Variants in SYT13 observed in about 807,000 individuals in gnomAD.
SYT13 encodes synaptotagmin 13, also known as synaptotagmin-13.
A neutral mutation model predicts 38.6 loss-of-function variants in SYT13; 21 were observed. The observed-to-expected ratio is 0.54, with a 90% confidence interval of 0.39 to 0.78. The LOEUF (loss-of-function observed/expected upper bound fraction) is 0.78, where lower values mean the gene tolerates loss of function less well. Among genes scored for constraint, SYT13 ranks in the 30% least tolerant of loss-of-function variants. The pLI, the probability that SYT13 is intolerant of heterozygous loss-of-function variation, is 0.00. For missense variants in SYT13, 495 were observed against 548.7 expected, an observed-to-expected ratio of 0.90 and a Z score of 0.98; for synonymous variants, 241 against 237.6, an observed-to-expected ratio of 1.01 and a Z score of -0.13.
In SYT13 at chr11:45,286,200, A is replaced by G. The variant is rs1158024346; in HGVS notation, c.8T>C (p.Leu3Pro). 1 of 1,560,506 alleles carries G rather than the reference A, an allele frequency of 6.4e-7. No individual in the cohort carries two copies. Among genetic ancestry groups the G allele is most frequent in the South Asian group, 1.2e-5 (1 of 85,444 alleles). Residue 3 changes from leucine to proline, a missense_variant, in exon 1 of 6, where the codon CTG becomes CCG. Transcript: ENST00000020926. ...GCCCAGCGCGATCACAGGCACCGACAGCACCATGGTGCCCGCTCCCGGCGA... is the reference window on the plus strand; with the variant it reads ...GCCCAGCGCGATCACAGGCACCGACGGCACCATGGTGCCCGCTCCCGGCGA... MV[L>P]SVPVIALGAT... is the part of the protein sequence containing the mutation.
chr11:45,269,372 G>A (rs567115542), intron 1 of SYT13: 137 of 956,322 alleles, frequency 1.4e-4, no homozygotes, highest in African/African-American at 9.0e-4. Flanking sequence ...AAAAAACTCC[G>A]TGGGACTGGA....
At chr11:45,253,929 T>C (rs1854709190) in intron 3 of SYT13, 4 of 175,614 alleles carry the variant, frequency 2.3e-5, no homozygotes, top group Admixed American at 1.9e-4. Flanking sequence ...TAAGGAATGA[T>C]TACGCCCTCT....
intron 2 of SYT13, among the ~76,000 whole-genome samples, chr11:45,255,235 C>G (rs1854729820): frequency 6.6e-6 from 1 of 152,146 alleles, no homozygotes; most frequent in Non-Finnish European, 1.5e-5. Flanking sequence ...TTTATCTACA[C>G]TTTACAACTC....
At chr11:45,280,703 C>A (rs1285724463) in intron 1 of SYT13, among the ~76,000 whole-genome samples, 1 of 152,182 alleles carries the variant, frequency 6.6e-6, no homozygotes, top group South Asian at 2.1e-4. Flanking sequence ...GCTTCAAATC[C>A]TGTGTCAGTG....
At chr11:45,275,861 G>A (rs555462107) in intron 1 of SYT13, among the ~76,000 whole-genome samples, 10 of 152,266 alleles carry the variant, frequency 6.6e-5, no homozygotes, top group African/African-American at 2.4e-4. Context: ...GAACAGAATG[G>A]GAAAGATGAC....
intron 1 of SYT13, among the ~76,000 whole-genome samples, chr11:45,263,240 T>C (rs576317506): frequency 6.6e-6 from 1 of 152,348 alleles, no homozygotes; most frequent in South Asian, 2.1e-4. Flanking sequence ...GTTCAGAATA[T>C]GGGAGTAAAC....
chr11:45,275,544 A>G (rs1343869576), intron 1 of SYT13, among the ~76,000 whole-genome samples: 1 of 152,184 alleles, frequency 6.6e-6, no homozygotes, highest in African/African-American at 2.4e-5. Context: ...CAAAACCACA[A>G]TCAACTTCCC....
rs1854587723 is a variant in SYT13 at position 45,244,224 on chromosome 11, T to C, written c.1109A>G (p.Gln370Arg). The change falls in exon 6 of 6, where the codon CAG becomes CGG. Residue 370 changes from glutamine (Q) to arginine (R), a missense_variant. Coordinates refer to ENST00000020926, the MANE Select transcript of SYT13 (RefSeq NM_020826.3). ...IMFELPDDLL[Q>R]ASSVELEVLG... Reference sequence around the variant, plus strand: ...CACTTCCAGCTCCACACTGGAGGCCTGCAGCAGGTCGTCAGGCAGCTCAAA... The same window carrying C: ...CACTTCCAGCTCCACACTGGAGGCCCGCAGCAGGTCGTCAGGCAGCTCAAA... 6.2e-7 allele frequency: 1 copy of C among 1,613,984 alleles called. No homozygotes were observed. Among genetic ancestry groups the C allele is most frequent in the Admixed American group, 1.7e-5 (1 of 60,012 alleles).
chr11:45,259,936 T>C, intron 1 of SYT13, among the ~76,000 whole-genome samples: 1 of 152,256 alleles, frequency 6.6e-6, no homozygotes, highest in East Asian at 1.9e-4. Context: ...TCCAGCAATC[T>C]GTCTTGCTTC....
At position 45,252,778 on chromosome 11, in the gene SYT13, G is replaced by T; in HGVS notation, c.545-56C>A. ...GACTTTCTGAGGACAAGTGGAGGGGGCAGAAGCACGCCTTGCTTAGGGCTG... is the reference window on the plus strand; with the variant it reads ...GACTTTCTGAGGACAAGTGGAGGGGTCAGAAGCACGCCTTGCTTAGGGCTG... On this transcript the variant is annotated intron_variant, in intron 3 of 5. Coordinates refer to ENST00000020926, the MANE Select transcript of SYT13 (RefSeq NM_020826.3). This position sits in a 1 kb window ranked among gnomAD's most constrained non-coding sequence, Gnocchi z 4.3. 1 of 1,507,698 alleles carries T rather than the reference G, an allele frequency of 6.6e-7. No individual in the cohort carries two copies. Among genetic ancestry groups the T allele is most frequent in the Non-Finnish European group, 8.9e-7 (1 of 1,122,392 alleles). 93.4% of individuals were successfully genotyped at this position (1,507,698 alleles called of 1,614,324 possible).
intron 1 of SYT13, among the ~76,000 whole-genome samples, chr11:45,280,131 T>A (rs1855054671): frequency 6.6e-6 from 1 of 152,206 alleles, no homozygotes; most frequent in Non-Finnish European, 1.5e-5. Flanking sequence ...ACTATTTAAC[T>A]AATGAAATGC....
intron 1 of SYT13, among the ~76,000 whole-genome samples, chr11:45,269,099 G>T (rs1487403834): frequency 6.6e-6 from 1 of 152,090 alleles, no homozygotes; most frequent in East Asian, 1.9e-4. Flanking sequence ...GCTGCAGGAG[G>T]TTTCATAGAG....
intron 1 of SYT13, among the ~76,000 whole-genome samples, chr11:45,285,703 C>T (rs998450609): frequency 7.2e-5 from 11 of 152,082 alleles, no homozygotes; most frequent in African/African-American, 2.4e-4. Context: ...TCCTCTTACC[C>T]TTCCCAGCCC....
chr11:45,281,801 A>T (rs1565399771), intron 1 of SYT13, among the ~76,000 whole-genome samples: 1 of 152,212 alleles, frequency 6.6e-6, no homozygotes, highest in African/African-American at 2.4e-5. Context: ...ATTTGAAAAG[A>T]CTCACTTAAG....
intron 4 of SYT13, among the ~76,000 whole-genome samples, chr11:45,251,915 G>A (rs1238313209): frequency 2.6e-5 from 4 of 152,186 alleles, no homozygotes; most frequent in Non-Finnish European, 5.9e-5. Context: ...GAGCACATTG[G>A]TTAGGTCTCT....
Position 45,285,912 on chromosome 11 carries a change from G to A in SYT13, c.183+113C>T, listed in dbSNP as rs1367011235. ...CCAACGCGTCTGCTGTCCCCTCCCC[G>A]CCAAGCTTTGTCGCGCAAAGATCCA... On this transcript the variant is annotated intron_variant, in intron 1 of 5. Transcript: ENST00000020926. 1.6e-5 allele frequency: 18 copies of A among 1,146,982 alleles called. No individual in the cohort carries two copies. In the East Asian group the frequency reaches 1.3e-3, roughly 81 times the overall value. 71.1% of individuals were successfully genotyped at this position (1,146,982 alleles called of 1,614,324 possible).
chr11:45,252,640 C>G lies in SYT13; in HGVS notation c.627G>C (p.Gln209His), dbSNP rs772169384. ...GCAGCTGCCGCTTCTTTAGGGCTGTCTGAGCCTCCACAGAGCCGGTCCTAT... is the reference window on the plus strand; with the variant it reads ...GCAGCTGCCGCTTCTTTAGGGCTGTGTGAGCCTCCACAGAGCCGGTCCTAT... ...VANRTGSVEA[Q>H]TALKKRQLHT... is the part of the protein sequence containing the mutation. The change falls in exon 4 of 6, where the codon CAG becomes CAC. Residue 209 changes from glutamine to histidine, a missense_variant. Gln to His is a conservative substitution (Grantham distance 24, BLOSUM62 0). Transcript: ENST00000020926. The surrounding 1 kb of genome is among the most constrained non-coding windows in gnomAD (Gnocchi z 4.3). 3.1e-6 allele frequency: 5 copies of G among 1,613,906 alleles called. No homozygotes were observed. The highest frequency in any genetic ancestry group is 1.7e-4 in the Middle Eastern group (1 of 6,060).
chr11:45,280,261 G>A (rs1487152459), intron 1 of SYT13, among the ~76,000 whole-genome samples: 1 of 152,114 alleles, frequency 6.6e-6, no homozygotes, highest in Non-Finnish European at 1.5e-5. Flanking sequence ...CCACACTGAT[G>A]GTCTTAACGT....
chr11:45,273,607 T>C (rs1854976266), intron 1 of SYT13, among the ~76,000 whole-genome samples: 2 of 152,246 alleles, frequency 1.3e-5, no homozygotes. Flanking sequence ...AACTGTGTGA[T>C]GAACATCTCT....
Sources: allele counts gnomAD v4.1 joint callset (sites outside exome capture counted in the v4.1 genomes callset), GRCh38; gene constraint gnomAD v4.1.1; non-coding constraint Gnocchi (gnomAD v3.1); transcripts MANE v1.5; gene names NCBI Gene and HGNC (gene_info 2026-07-23, HGNC 2026-07-21).